The following ARSB variants were observed in gnomAD, a reference collection of about 807,000 sequenced individuals.
ARSB encodes the protein arylsulfatase B.
ARSB carries 41 observed loss-of-function variants against 50.9 expected under a neutral mutation model. The observed-to-expected ratio is 0.81, with a 90% CI of 0.63 to 1.04. The LOEUF is 1.04. Ranked by LOEUF, ARSB falls within the 50% of genes least tolerant of loss-of-function variation. ARSB has a pLI of 0.00. For missense variants in ARSB, 672 were observed against 693.3 expected (o/e 0.97, Z 0.35); for synonymous variants, 269 against 284.8 (o/e 0.94, Z 0.56).
In ARSB at chr5:78,848,777, C is replaced by T. The variant is rs113502681; in HGVS notation, c.1143-9351G>A. Among the ~76,000 whole-genome samples, 1,297 of 152,200 alleles carry T rather than the reference C, an allele frequency of 8.5e-3. 24 individuals carry two copies. The highest frequency in any genetic ancestry group is 0.029 in the African/African-American group (1,196 of 41,514). On this transcript the variant is annotated intron_variant, in intron 5 of 7. Transcript: ENST00000264914. ...GATTGCCATTCTAACTGGTGTGAGA[C>T]GGTATCTCATTGTGGTTTTGATTTG...
intron 4 of ARSB, among the ~76,000 whole-genome samples, chr5:78,929,834 T>C (rs995631854): frequency 2.6e-5 from 4 of 151,162 alleles, no homozygotes; most frequent in African/African-American, 7.3e-5. Flanking sequence ...ATCTTACTGA[T>C]CTTCAGAACT....
chr5:78,800,299 C>T (rs2112644230), intron 6 of ARSB, among the ~76,000 whole-genome samples: 1 of 146,292 alleles, frequency 6.8e-6, no homozygotes, highest in Middle Eastern at 3.5e-3. Context: ...GCCCGGGTGA[C>T]AGAGCAAGAC....
intron 6 of ARSB, among the ~76,000 whole-genome samples, chr5:78,816,791 T>C (rs1344491458): frequency 6.6e-6 from 1 of 152,186 alleles, no homozygotes; most frequent in Non-Finnish European, 1.5e-5. Context: ...AGGGTAGTCC[T>C]TGCGGAGACA....
At chr5:78,903,364 A>G (rs1414867163) in intron 4 of ARSB, among the ~76,000 whole-genome samples, 8 of 152,214 alleles carry the variant, frequency 5.3e-5, no homozygotes, top group Non-Finnish European at 1.5e-5. Flanking sequence ...ATTTCAGAAC[A>G]CAAGCAGGGA....
intron 6 of ARSB, among the ~76,000 whole-genome samples, chr5:78,824,625 C>A (rs1422454341): frequency 1.3e-5 from 2 of 152,158 alleles, no homozygotes; most frequent in Non-Finnish European, 2.9e-5. Context: ...CAGGTGAGTT[C>A]CTAGGATATA....
chr5:78,949,558 G>C (rs1385598013), intron 4 of ARSB, among the ~76,000 whole-genome samples: 1 of 152,158 alleles, frequency 6.6e-6, no homozygotes, highest in African/African-American at 2.4e-5. Flanking sequence ...ATGCAAATTA[G>C]GTTTCTCCTT....
At chr5:78,947,892 T>C (rs545754428) in intron 4 of ARSB, among the ~76,000 whole-genome samples, 2 of 152,286 alleles carry the variant, frequency 1.3e-5, no homozygotes, top group South Asian at 4.1e-4. Context: ...TAAGTGTCCA[T>C]CAACAGATGC....
At chr5:78,898,723 TTCCATTTCCTTGCCTTTCTAGCAAA>T (rs1436815436) in intron 4 of ARSB, among the ~76,000 whole-genome samples, 15 of 152,324 alleles carry the variant, frequency 9.8e-5, no homozygotes, top group Non-Finnish European at 1.0e-4. Flanking sequence ...CTTCTGGAAG[TTCCATTTCCTTGCCTTTCTAGCAAA>T]TCCATTTCCT....
chr5:78,863,306 A>G (rs754688630), intron 5 of ARSB, among the ~76,000 whole-genome samples: 1 of 152,190 alleles, frequency 6.6e-6, no homozygotes, highest in African/African-American at 2.4e-5. Flanking sequence ...ACACATGCAC[A>G]CGTATGTTTA....
chr5:78,850,128 C>T (rs1485069396), intron 5 of ARSB, among the ~76,000 whole-genome samples: 1 of 152,056 alleles, frequency 6.6e-6, no homozygotes, highest in Non-Finnish European at 1.5e-5. Flanking sequence ...GAGGGCATCC[C>T]TGTCTTGTGC....
At chr5:78,853,146 T>G (rs1745928520) in intron 5 of ARSB, among the ~76,000 whole-genome samples, 2 of 152,232 alleles carry the variant, frequency 1.3e-5, no homozygotes, top group Non-Finnish European at 2.9e-5. Flanking sequence ...TTTTTAGAGT[T>G]TCCAGTTTTT....
chr5:78,810,834 G>C (rs1249789064), intron 6 of ARSB, among the ~76,000 whole-genome samples: 1 of 152,154 alleles, frequency 6.6e-6, no homozygotes, highest in Non-Finnish European at 1.5e-5. Context: ...AAATGACTGG[G>C]GTTGGATTTC....
At chr5:78,848,914 G>GTTGA (rs1745597689) in intron 5 of ARSB, among the ~76,000 whole-genome samples, 1 of 151,360 alleles carries the variant, frequency 6.6e-6, no homozygotes, top group African/African-American at 2.4e-5. Flanking sequence ...TGTTGATGGC[G>GTTGA]TTGTTTTTTC....
Position 78,810,219 on chromosome 5 carries a change from A to G in ARSB, c.1214-28245T>C, listed in dbSNP as rs1035725470. On this transcript the variant is annotated intron_variant, in intron 6 of 7. Coordinates refer to ENST00000264914, the MANE Select transcript of ARSB (RefSeq NM_000046.5). ...CTTTCGGGGACAGAGCCTGCTATTC[A>G]GGGGCATCAGGGAAGCAGGGGAAAT... 5.9e-5 allele frequency among the ~76,000 whole-genome samples: 9 copies of G among 152,328 alleles called. 2 individuals carry two copies.
chr5:78,933,664 G>A (rs184436528), intron 4 of ARSB, among the ~76,000 whole-genome samples: 5 of 152,244 alleles, frequency 3.3e-5, no homozygotes, highest in Admixed American at 6.5e-5. Context: ...GTAGAGGATG[G>A]GAGGTGATCA....
At chr5:78,894,546 GT>G (rs1479698247) in intron 4 of ARSB, among the ~76,000 whole-genome samples, 1 of 152,198 alleles carries the variant, frequency 6.6e-6, no homozygotes, top group East Asian at 1.9e-4. Context: ...TCTCACTGAT[GT>G]TTGGGTGTTT....
chr5:78,864,845 A>C (rs1013133676), intron 5 of ARSB, among the ~76,000 whole-genome samples: 2 of 152,214 alleles, frequency 1.3e-5, no homozygotes, highest in East Asian at 3.8e-4. Context: ...CAAGTCCAAA[A>C]TCCAGTGGGG....
At chr5:78,861,514 T>C (rs182523324) in intron 5 of ARSB, among the ~76,000 whole-genome samples, 15,928 of 152,002 alleles carry the variant, frequency 0.1, 2,240 homozygotes, top group African/African-American at 0.32. Flanking sequence ...ACAAAAACTG[T>C]ATGATTATCT....
intron 4 of ARSB, among the ~76,000 whole-genome samples, chr5:78,943,791 A>G (rs1226614947): frequency 2.6e-5 from 4 of 152,068 alleles, no homozygotes; most frequent in African/African-American, 4.8e-5. Context: ...TCTTTGTGGC[A>G]TTCTCTGTAT....
Sources: gnomAD v4.1 joint callset for allele counts (sites outside exome capture counted in the v4.1 genomes callset) on GRCh38, gnomAD v4.1.1 for gene constraint, MANE v1.5 for transcripts, NCBI Gene and HGNC (gene_info 2026-07-23, HGNC 2026-07-21) for gene names.